Variants in SPEM3 observed in about 807,000 individuals in gnomAD.
SPEM3 encodes uncharacterized protein SPEM3.
At position 7,429,867 on chromosome 17, in the gene SPEM3, C is replaced by T; in HGVS notation, c.696C>T (p.His232=). 1 of 403,842 alleles carries T rather than the reference C, an allele frequency of 2.5e-6. No individual in the cohort carries two copies. The highest frequency in any genetic ancestry group is 4.4e-6 in the Non-Finnish European group (1 of 229,434). 25.0% of individuals were successfully genotyped at this position (403,842 alleles called of 1,614,324 possible). A position where few individuals can be genotyped will look rare whatever the true frequency, so the allele number is the denominator to read the frequency against. Residue 232 remains histidine (H), a synonymous_variant, in exon 3 of 3, where the codon CAC becomes CAT. Coordinates refer to ENST00000636696, the MANE Select transcript of SPEM3 (RefSeq NM_001364708.1). The surrounding 1 kb of genome is among the most constrained non-coding windows in gnomAD (Gnocchi z 4.9). ...ACCCCTGGACCCGCTCCACGGACCACACCGCTGTGCACACCCCTGCCCACT... is the reference window on the plus strand; with the variant it reads ...ACCCCTGGACCCGCTCCACGGACCATACCGCTGTGCACACCCCTGCCCACT... ...PTHPWTRSTD[H]TAVHTPAHSW...
In SPEM3 at chr17:7,430,576, C is replaced by T. The variant is rs1254379263; in HGVS notation, c.1405C>T (p.Pro469Ser). Residue 469 changes from proline (P) to serine (S), a missense_variant, in exon 3 of 3, where the codon CCT becomes TCT. By Grantham distance (74) the Pro-to-Ser change is moderately conservative (BLOSUM62 -1). Coordinates refer to ENST00000636696, the MANE Select transcript of SPEM3 (RefSeq NM_001364708.1). ...CTTCCATATGTCCAGCCCCCAGAAC[C>T]CTGAGTATTCAAGAAAAGACTTGGC... The part of the protein sequence containing the change: ...NFFHMSSPQN[P>S]EYSRKDLATL... 2.5e-6 allele frequency: 1 copy of T among 398,680 alleles called. No homozygotes were observed. Among genetic ancestry groups the T allele is most frequent in the African/African-American group, 2.1e-5 (1 of 48,606 alleles). 24.7% of individuals were successfully genotyped at this position (398,680 alleles called of 1,614,324 possible).
In SPEM3 at chr17:7,429,889, C is replaced by T. The variant is rs115320703; in HGVS notation, c.718C>T (p.His240Tyr). The T allele has an allele frequency of 2.1e-3, 849 of 409,516 alleles. 6 individuals are homozygous for T. Among genetic ancestry groups the T allele is most frequent in the African/African-American group, 0.015 (751 of 48,642 alleles). The allele number at this position is 409,516 out of a possible 1,614,324, so 25.4% of individuals were successfully genotyped here. Reference sequence around the variant, plus strand: ...CCACACCGCTGTGCACACCCCTGCCCACTCCTGGACCCACTCCAAAGCCCG... The same window carrying T: ...CCACACCGCTGTGCACACCCCTGCCTACTCCTGGACCCACTCCAAAGCCCG... ...TDHTAVHTPA[H>Y]SWTHSKARTP... Residue 240 changes from histidine (H) to tyrosine (Y), a missense_variant, in exon 3 of 3, where the codon CAC becomes TAC. Transcript: ENST00000636696. The surrounding 1 kb of genome is among the most constrained non-coding windows in gnomAD (Gnocchi z 4.9).
In SPEM3 at chr17:7,429,785, C is replaced by G; in HGVS notation, c.614C>G (p.Ala205Gly). Residue 205 changes from alanine to glycine, a missense_variant, in exon 3 of 3, where the codon GCC becomes GGC. Ala to Gly is a moderately conservative substitution (Grantham distance 60). Transcript: ENST00000636696. This position sits in a 1 kb window ranked among gnomAD's most constrained non-coding sequence, Gnocchi z 4.9. ...ACCCCAGACTGTGCCCCAGCCGAGG[C>G]CCCAGCTCAGGCCCAGGTCCACTCC... ...TKTPDCAPAE[A>G]PAQAQVHSPT... The G allele has an allele frequency of 2.5e-6, 1 of 400,176 alleles. No individual in the cohort carries two copies. Among genetic ancestry groups the G allele is most frequent in the Non-Finnish European group, 4.4e-6 (1 of 227,190 alleles). 24.8% of individuals were successfully genotyped at this position (400,176 alleles called of 1,614,324 possible).
Position 7,431,140 on chromosome 17 carries a change from C to A in SPEM3, c.1969C>A (p.Pro657Thr), listed in dbSNP as rs1231475027. 1 of 398,642 alleles carries A rather than the reference C, an allele frequency of 2.5e-6. No homozygotes were observed. Among genetic ancestry groups the A allele is most frequent in the African/African-American group, 2.1e-5 (1 of 48,616 alleles). The allele number at this position is 398,642 out of a possible 1,614,324, so 24.7% of individuals were successfully genotyped here. Residue 657 changes from proline to threonine, a missense_variant, in exon 3 of 3, where the codon CCC becomes ACC. Pro to Thr is a conservative substitution (Grantham distance 38, BLOSUM62 -1). Transcript: ENST00000636696. ...CACCATTTCCCAACCCCTGATCCAA[C>A]CCCAATGCCCTGAATGTCATGAGAG... ...FATISQPLIQ[P>T]QCPECHESLG...
Position 7,430,346 on chromosome 17 carries a change from C to T in SPEM3, c.1175C>T (p.Pro392Leu), listed in dbSNP as rs1288900030. ...LAPATTPVLA[P>L]TPAPVPASAP... ...CCAGCCACTACTCCTGTCCTAGCTC[C>T]AACACCAGCCCCTGTCCCAGCCTCT... Residue 392 changes from proline (P) to leucine (L), a missense_variant, in exon 3 of 3, where the codon CCA becomes CTA. By Grantham distance (98) the Pro-to-Leu change is moderately conservative. Transcript: ENST00000636696. 1.2e-5 allele frequency: 5 copies of T among 418,310 alleles called. No homozygotes were observed. Among genetic ancestry groups the T allele is most frequent in the African/African-American group, 2.1e-5 (1 of 48,690 alleles). 25.9% of individuals were successfully genotyped at this position (418,310 alleles called of 1,614,324 possible).
chr17:7,431,847 G>A lies in SPEM3; in HGVS notation c.2676G>A (p.Lys892=). ...SGVIQESFLH[K]SPGLVQTSGL... is the part of the protein sequence containing the mutation. ...TTATCCAGGAATCTTTTCTCCACAA[G>A]AGCCCAGGCCTTGTCCAAACCTCTG... Residue 892 remains lysine (K), a synonymous_variant, in exon 3 of 3, where the codon AAG becomes AAA. Coordinates refer to ENST00000636696, the MANE Select transcript of SPEM3 (RefSeq NM_001364708.1). The A allele has an allele frequency of 2.5e-6, 1 of 398,588 alleles. No individual in the cohort carries two copies. Among genetic ancestry groups the A allele is most frequent in the Non-Finnish European group, 4.4e-6 (1 of 226,074 alleles). 24.7% of individuals were successfully genotyped at this position (398,588 alleles called of 1,614,324 possible). A position where few individuals can be genotyped will look rare whatever the true frequency, so the allele number is the denominator to read the frequency against.
In SPEM3 at chr17:7,429,670, C is replaced by T; in HGVS notation, c.499C>T (p.Leu167Phe). 2 of 399,096 alleles carry T rather than the reference C, an allele frequency of 5.0e-6. No individual in the cohort carries two copies. Among genetic ancestry groups the T allele is most frequent in the Non-Finnish European group, 8.8e-6 (2 of 226,434 alleles). The allele number at this position is 399,096 out of a possible 1,614,324, so 24.7% of individuals were successfully genotyped here. ...AGCCTCAAAGGCTCAAGCCTCCTTGCTCTCCAGGCCAGAGACATCTTCCCA... is the reference window on the plus strand; with the variant it reads ...AGCCTCAAAGGCTCAAGCCTCCTTGTTCTCCAGGCCAGAGACATCTTCCCA... Reference protein sequence around the residue: ...VTASKAQASLLSRPETSSQFP... With the variant: ...VTASKAQASLFSRPETSSQFP... Residue 167 changes from leucine to phenylalanine, a missense_variant, in exon 3 of 3, where the codon CTC (leucine) becomes TTC (phenylalanine). By Grantham distance (22) the Leu-to-Phe change is conservative. Coordinates refer to ENST00000636696, the MANE Select transcript of SPEM3 (RefSeq NM_001364708.1). This position sits in a 1 kb window ranked among gnomAD's most constrained non-coding sequence, Gnocchi z 4.9.
Position 7,431,637 on chromosome 17 carries a change from A to G in SPEM3, c.2466A>G (p.Gln822=). The G allele has an allele frequency of 2.5e-6, 1 of 398,608 alleles. No homozygotes were observed. The highest frequency in any genetic ancestry group is 3.6e-5 in the East Asian group (1 of 28,082). The allele number at this position is 398,608 out of a possible 1,614,324, so 24.7% of individuals were successfully genotyped here. A position where few individuals can be genotyped will look rare whatever the true frequency, so the allele number is the denominator to read the frequency against. Residue 822 remains glutamine, a synonymous_variant, in exon 3 of 3, where the codon CAA becomes CAG. Coordinates refer to ENST00000636696, the MANE Select transcript of SPEM3 (RefSeq NM_001364708.1). ...AAGAGACTGTGATCTACAAAAATCA[A>G]GATCTCTCCCAAGCAACTGACCACC... is the stretch of plus-strand genomic sequence containing the variant. The part of the protein sequence containing the change: ...PNQETVIYKN[Q]DLSQATDHQK...
Position 7,429,899 on chromosome 17 carries a change from C to T in SPEM3, c.728C>T (p.Thr243Ile). The change falls in exon 3 of 3, where the codon ACC becomes ATC. Residue 243 changes from threonine to isoleucine, a missense_variant. Transcript: ENST00000636696. The surrounding 1 kb of genome is among the most constrained non-coding windows in gnomAD (Gnocchi z 4.9). ...GTGCACACCCCTGCCCACTCCTGGA[C>T]CCACTCCAAAGCCCGCACCCCTGAG... is the stretch of plus-strand genomic sequence containing the variant. The part of the protein sequence containing the change: ...TAVHTPAHSW[T>I]HSKARTPEGT... 2.4e-6 allele frequency: 1 copy of T among 414,122 alleles called. No homozygotes were observed. Among genetic ancestry groups the T allele is most frequent in the East Asian group, 3.5e-5 (1 of 28,210 alleles). 25.7% of individuals were successfully genotyped at this position (414,122 alleles called of 1,614,324 possible).
rs1033989350 is a variant in SPEM3 at position 7,429,860 on chromosome 17, C to T, written c.689C>T (p.Thr230Met). 16 of 402,510 alleles carry T rather than the reference C, an allele frequency of 4.0e-5. No homozygotes were observed. Among genetic ancestry groups the T allele is most frequent in the South Asian group, 2.2e-4 (2 of 8,894 alleles). The allele number at this position is 402,510 out of a possible 1,614,324, so 24.9% of individuals were successfully genotyped here. A position where few individuals can be genotyped will look rare whatever the true frequency, so the allele number is the denominator to read the frequency against. Reference sequence around the variant, plus strand: ...CCAACCCACCCCTGGACCCGCTCCACGGACCACACCGCTGTGCACACCCCT... The same window carrying T: ...CCAACCCACCCCTGGACCCGCTCCATGGACCACACCGCTGTGCACACCCCT... ...CTPTHPWTRS[T>M]DHTAVHTPAH... The change falls in exon 3 of 3, where the codon ACG (threonine) becomes ATG (methionine). Residue 230 changes from threonine to methionine, a missense_variant. Thr to Met is a moderately conservative substitution (Grantham distance 81). Transcript: ENST00000636696. The surrounding 1 kb of genome is among the most constrained non-coding windows in gnomAD (Gnocchi z 4.9).
chr17:7,430,227 C>G lies in SPEM3; in HGVS notation c.1056C>G (p.Ala352=), dbSNP rs1907785852. ...PQAHAPEYTS[A]HAPAYIPDHS... Reference sequence around the variant, plus strand: ...CCCATGCCCCTGAGTACACCTCAGCCCATGCCCCAGCGTATATCCCAGACC... The same window carrying G: ...CCCATGCCCCTGAGTACACCTCAGCGCATGCCCCAGCGTATATCCCAGACC... The change falls in exon 3 of 3, where the codon GCC becomes GCG. Residue 352 remains alanine (A), a synonymous_variant. Transcript: ENST00000636696. 1 of 412,930 alleles carries G rather than the reference C, an allele frequency of 2.4e-6. No homozygotes were observed. The highest frequency in any genetic ancestry group is 4.3e-6 in the Non-Finnish European group (1 of 234,456). The allele number at this position is 412,930 out of a possible 1,614,324, so 25.6% of individuals were successfully genotyped here.
In SPEM3 at chr17:7,429,490, C is replaced by T. The variant is rs2150826939; in HGVS notation, c.319C>T (p.His107Tyr). ...RPGFLLRRVN[H>Y]LDSWIPDTND... ...AGGCTTCCTGCTCAGGCGCGTTAAC[C>T]ACCTTGACTCCTGGATACCAGACAC... Residue 107 changes from histidine (H) to tyrosine (Y), a missense_variant, in exon 3 of 3, where the codon CAC becomes TAC. By Grantham distance (83) the His-to-Tyr change is moderately conservative. Coordinates refer to ENST00000636696, the MANE Select transcript of SPEM3 (RefSeq NM_001364708.1). The surrounding 1 kb of genome is among the most constrained non-coding windows in gnomAD (Gnocchi z 4.9). The T allele has an allele frequency of 2.5e-6, 1 of 398,636 alleles. No individual in the cohort carries two copies. Among genetic ancestry groups the T allele is most frequent in the East Asian group, 3.6e-5 (1 of 28,064 alleles). 24.7% of individuals were successfully genotyped at this position (398,636 alleles called of 1,614,324 possible).
rs1454400032 is a variant in SPEM3 at position 7,429,516 on chromosome 17, G to A, written c.345G>A (p.Thr115=). The A allele has an allele frequency of 1.3e-5, 5 of 398,550 alleles. No homozygotes were observed. Among genetic ancestry groups the A allele is most frequent in the East Asian group, 7.1e-5 (2 of 28,082 alleles). The allele number at this position is 398,550 out of a possible 1,614,324, so 24.7% of individuals were successfully genotyped here. A position where few individuals can be genotyped will look rare whatever the true frequency, so the allele number is the denominator to read the frequency against. ...VNHLDSWIPD[T]NDEKVSACCC... ...ACCTTGACTCCTGGATACCAGACAC[G>A]AACGATGAGAAGGTTTCTGCGTGCT... Residue 115 remains threonine (T), a synonymous_variant, in exon 3 of 3, where the codon ACG becomes ACA. Transcript: ENST00000636696. This position sits in a 1 kb window ranked among gnomAD's most constrained non-coding sequence, Gnocchi z 4.9.
chr17:7,429,387 C>A lies in SPEM3; in HGVS notation c.216C>A (p.Ser72Arg). Residue 72 changes from serine to arginine, a missense_variant, in exon 3 of 3, where the codon AGC becomes AGA. Transcript: ENST00000636696. The surrounding 1 kb of genome is among the most constrained non-coding windows in gnomAD (Gnocchi z 4.9). ...CTGCAGACAAGCAGCCCAGCGGCAGCCATCCCATATGTATTTGCTCCTCCG... is the reference window on the plus strand; with the variant it reads ...CTGCAGACAAGCAGCCCAGCGGCAGACATCCCATATGTATTTGCTCCTCCG... ...FFPKDKQPSG[S>R]HPICICSSVD... is the part of the protein sequence containing the mutation. 1 of 398,686 alleles carries A rather than the reference C, an allele frequency of 2.5e-6. No homozygotes were observed. The highest frequency in any genetic ancestry group is 4.4e-6 in the Non-Finnish European group (1 of 226,138). The allele number at this position is 398,686 out of a possible 1,614,324, so 24.7% of individuals were successfully genotyped here. A position where few individuals can be genotyped will look rare whatever the true frequency, so the allele number is the denominator to read the frequency against.
chr17:7,430,138 C>G lies in SPEM3; in HGVS notation c.967C>G (p.Pro323Ala). 1 of 422,072 alleles carries G rather than the reference C, an allele frequency of 2.4e-6. No homozygotes were observed. Among genetic ancestry groups the G allele is most frequent in the Non-Finnish European group, 4.2e-6 (1 of 240,094 alleles). The allele number at this position is 422,072 out of a possible 1,614,324, so 26.1% of individuals were successfully genotyped here. A position where few individuals can be genotyped will look rare whatever the true frequency, so the allele number is the denominator to read the frequency against. ...GTATACTCACTCCCAGGCCCACAGC[C>G]CTGAACACACCTCAGCCCACTCCCC... ...PEYTHSQAHS[P>A]EHTSAHSPAQ... Residue 323 changes from proline (P) to alanine (A), a missense_variant, in exon 3 of 3, where the codon CCT becomes GCT. Transcript: ENST00000636696.
At position 7,430,370 on chromosome 17, in the gene SPEM3, C is replaced by A; in HGVS notation, c.1199C>A (p.Ser400Tyr). Residue 400 changes from serine to tyrosine, a missense_variant, in exon 3 of 3, where the codon TCT becomes TAT. By Grantham distance (144) the Ser-to-Tyr change is moderately radical. Coordinates refer to ENST00000636696, the MANE Select transcript of SPEM3 (RefSeq NM_001364708.1). ...CCAACACCAGCCCCTGTCCCAGCCTCTGCCCCCAGCCCTGCTCCAGCACTG... is the reference window on the plus strand; with the variant it reads ...CCAACACCAGCCCCTGTCCCAGCCTATGCCCCCAGCCCTGCTCCAGCACTG... ...LAPTPAPVPA[S>Y]APSPAPALVM... 2.4e-6 allele frequency: 1 copy of A among 417,586 alleles called. No homozygotes were observed. The highest frequency in any genetic ancestry group is 8.1e-5 in the South Asian group (1 of 12,320). 25.9% of individuals were successfully genotyped at this position (417,586 alleles called of 1,614,324 possible).
chr17:7,430,448 CT>C lies in SPEM3; in HGVS notation c.1278del (p.Ala427ProfsTer4), dbSNP rs1347443581. 9.9e-6 allele frequency: 4 copies of C among 403,328 alleles called. No individual in the cohort carries two copies. Among genetic ancestry groups the C allele is most frequent in the Non-Finnish European group, 1.7e-5 (4 of 229,232 alleles). 25.0% of individuals were successfully genotyped at this position (403,328 alleles called of 1,614,324 possible). A position where few individuals can be genotyped will look rare whatever the true frequency, so the allele number is the denominator to read the frequency against. ...CCTGATCCTGTCCCTGCCACCACCC[CT>C]GCCCCTATCATAACTCCTATACCCT... Reference protein sequence around the residue: ...PVPDPVPATTPAPIITPIPST... With the variant: ...PVPDPVPATTXAPIITPIPST... On this transcript the variant is annotated frameshift_variant, in exon 3 of 3. Transcript: ENST00000636696. LOFTEE classifies it low-confidence loss of function (END_TRUNC).
Position 7,430,432 on chromosome 17 carries a change from G to T in SPEM3, c.1261G>T (p.Val421Phe). The T allele has an allele frequency of 2.5e-6, 1 of 403,734 alleles. No homozygotes were observed. 25.0% of individuals were successfully genotyped at this position (403,734 alleles called of 1,614,324 possible). A position where few individuals can be genotyped will look rare whatever the true frequency, so the allele number is the denominator to read the frequency against. ...GACTACCACTCCTGTCCCTGATCCT[G>T]TCCCTGCCACCACCCCTGCCCCTAT... is the stretch of plus-strand genomic sequence containing the variant. ...ALTTTPVPDP[V>F]PATTPAPIIT... The change falls in exon 3 of 3, where the codon GTC becomes TTC. Residue 421 changes from valine (V) to phenylalanine (F), a missense_variant. By Grantham distance (50) the Val-to-Phe change is conservative. Coordinates refer to ENST00000636696, the MANE Select transcript of SPEM3 (RefSeq NM_001364708.1).
Position 7,429,551 on chromosome 17 carries a change from C to T in SPEM3, c.380C>T (p.Pro127Leu), listed in dbSNP as rs888047135. Residue 127 changes from proline (P) to leucine (L), a missense_variant, in exon 3 of 3, where the codon CCC becomes CTC. Transcript: ENST00000636696. This position sits in a 1 kb window ranked among gnomAD's most constrained non-coding sequence, Gnocchi z 4.9. Reference protein sequence around the residue: ...DEKVSACCCVPPKCGHAGVPR... With the variant: ...DEKVSACCCVLPKCGHAGVPR... ...AAGGTTTCTGCGTGCTGCTGCGTGCCCCCTAAATGTGGACATGCCGGCGTT... is the reference window on the plus strand; with the variant it reads ...AAGGTTTCTGCGTGCTGCTGCGTGCTCCCTAAATGTGGACATGCCGGCGTT... 5.0e-6 allele frequency: 2 copies of T among 398,552 alleles called. No homozygotes were observed. The highest frequency in any genetic ancestry group is 4.1e-5 in the African/African-American group (2 of 48,578). 24.7% of individuals were successfully genotyped at this position (398,552 alleles called of 1,614,324 possible). A position where few individuals can be genotyped will look rare whatever the true frequency, so the allele number is the denominator to read the frequency against.
Sources: allele counts gnomAD v4.1 joint callset, GRCh38; gene constraint gnomAD v4.1.1; non-coding constraint Gnocchi (gnomAD v3.1); transcripts MANE v1.5; gene names NCBI Gene and HGNC (gene_info 2026-07-23, HGNC 2026-07-21).